Variants in GUCY2F observed in about 807,000 individuals in gnomAD.
GUCY2F encodes the protein guanylate cyclase 2F, retinal.
A neutral mutation model predicts 73.1 loss-of-function variants in GUCY2F; 61 were observed. The observed-to-expected ratio is 0.83, with a 90% CI of 0.68 to 1.03. GUCY2F has a LOEUF of 1.03. Ranked by LOEUF, GUCY2F falls within the 50% of genes least tolerant of loss-of-function variation. GUCY2F has a pLI of 0.00. For missense variants in GUCY2F, 912 were observed against 854.3 expected (o/e 1.07, Z -0.84); for synonymous variants, 331 against 307.8 (o/e 1.08, Z -0.79).
chrX:109,453,188 T>C (rs934696194), intron 4 of GUCY2F, among the ~76,000 whole-genome samples: 1 of 111,463 alleles, frequency 9.0e-6, no homozygotes, highest in Non-Finnish European at 1.9e-5. Context: ...TCATAGGTCA[T>C]AGCCTACAAA....
At position 109,404,261 on chromosome X, in the gene GUCY2F, G is replaced by T. The variant is rs1020210207; in HGVS notation, c.2125+67C>A. 23 of 772,939 alleles carry T rather than the reference G, an allele frequency of 3.0e-5. No homozygotes were observed. The African/African-American group carries it at 4.2e-4, about 14-fold the overall frequency. The allele number at this position is 772,939 out of a possible 1,213,427, so 63.7% of individuals were successfully genotyped here. A position where few individuals can be genotyped will look rare whatever the true frequency, so the allele number is the denominator to read the frequency against. ...GAAATCAGCCTGAGGCTTTAATTCA[G>T]TGCATATTTTCATTTGAACTTTGGA... On this transcript the variant is annotated intron_variant, in intron 10 of 19. Transcript: ENST00000218006.
intron 3 of GUCY2F, among the ~76,000 whole-genome samples, chrX:109,457,950 C>T (rs1343593547): frequency 2.7e-5 from 3 of 111,843 alleles, no homozygotes; most frequent in Non-Finnish European, 3.8e-5. Context: ...ATGTAGGCAT[C>T]AAACCCTAAT....
rs1217966985 is a variant in GUCY2F, at chrX:109,465,344, A to G, written c.830T>C (p.Val277Ala). The G allele has an allele frequency of 2.5e-6, 3 of 1,196,059 alleles. No individual in the cohort carries two copies. The highest frequency in any genetic ancestry group is 2.3e-6 in the Non-Finnish European group (2 of 882,533). Reference protein sequence around the residue: ...HDLKMTDGTYVFVPYDALLYS... With the variant: ...HDLKMTDGTYAFVPYDALLYS... ...GAGCAGGGCATCATAAGGAACAAAG[A>G]CGTAGGTTCCATCAGTCATTTTCAG... Residue 277 changes from valine to alanine, a missense_variant, in exon 3 of 20, where the codon GTC becomes GCC. By Grantham distance (64) the Val-to-Ala change is moderately conservative. Transcript: ENST00000218006.
At chrX:109,385,126 A>G in intron 16 of GUCY2F, 58 bp downstream of exon 16, 1 of 549,424 alleles carries the variant, frequency 1.8e-6, no homozygotes. Flanking sequence ...CTGAAGAAGA[A>G]TCACCTTCTC....
intron 6 of GUCY2F, among the ~76,000 whole-genome samples, chrX:109,443,406 ATTCATT>A (rs1931920418): frequency 9.0e-6 from 1 of 111,717 alleles, no homozygotes; most frequent in Non-Finnish European, 1.9e-5. Flanking sequence ...CCCTCTTACT[ATTCATT>A]TTTCTCACTC....
chrX:109,410,339 T>A lies in GUCY2F; in HGVS notation c.1792-1171A>T, dbSNP rs187300315. On this transcript the variant is annotated intron_variant, in intron 8 of 19. Coordinates refer to ENST00000218006, the MANE Select transcript of GUCY2F (RefSeq NM_001522.3). ...ATGGAGCTCAGTGGCTCAAGAGGAC[T>A]AAAGAGAGATGATACCGTAAAATGT... is the stretch of plus-strand genomic sequence containing the variant. Among the ~76,000 whole-genome samples the A allele has an allele frequency of 1.2e-3, 130 of 112,257 alleles. 2 individuals are homozygous for A. In the East Asian group the frequency reaches 0.022, roughly 19 times the overall value.
intron 9 of GUCY2F, among the ~76,000 whole-genome samples, chrX:109,406,869 C>T (rs1374768406): frequency 8.9e-6 from 1 of 112,258 alleles, no homozygotes; most frequent in Non-Finnish European, 1.9e-5. Context: ...GAATCTGAGG[C>T]CTCCACAGCC....
chrX:109,470,290 AGTGATCATTT>A lies in GUCY2F; in HGVS notation c.731-4857_731-4848del, dbSNP rs1022735672. On this transcript the variant is annotated intron_variant, in intron 2 of 19. Coordinates refer to ENST00000218006, the MANE Select transcript of GUCY2F (RefSeq NM_001522.3). Reference sequence around the variant, plus strand: ...TCAAGCCTTCAATAATTTGATCATTAGTGATCATTTGCCATTCATGAAAGCCAGTTGTCCT... The same window carrying A: ...TCAAGCCTTCAATAATTTGATCATTAGCCATTCATGAAAGCCAGTTGTCCT... Among the ~76,000 whole-genome samples the A allele has an allele frequency of 8.9e-5, 10 of 112,193 alleles. No individual in the cohort carries two copies. In the Admixed American group the frequency reaches 9.4e-4, roughly 11 times the overall value.
At chrX:109,440,978 T>C (rs1931853797) in intron 7 of GUCY2F, among the ~76,000 whole-genome samples, 1 of 112,144 alleles carries the variant, frequency 8.9e-6, no homozygotes. Flanking sequence ...CCCCAAACCC[T>C]GCCATGCACA....
intron 1 of GUCY2F, among the ~76,000 whole-genome samples, chrX:109,478,482 A>G (rs1431046436): frequency 1.8e-5 from 2 of 112,449 alleles, no homozygotes; most frequent in Admixed American, 9.3e-5. Context: ...ACAGCTCTAT[A>G]TGGGAAACAA....
chrX:109,472,772 T>A (rs1932602833), intron 2 of GUCY2F, among the ~76,000 whole-genome samples: 1 of 112,079 alleles, frequency 8.9e-6, no homozygotes, highest in Non-Finnish European at 1.9e-5. Context: ...ATAATCTATT[T>A]TTGTTCATTC....
Position 109,465,374 on chromosome X carries a change from T to C in GUCY2F, c.800A>G (p.His267Arg). The change falls in exon 3 of 20, where the codon CAT (histidine) becomes CGT (arginine). Residue 267 changes from histidine to arginine, a missense_variant. Coordinates refer to ENST00000218006, the MANE Select transcript of GUCY2F (RefSeq NM_001522.3). ...GGTTCCATCAGTCATTTTCAGATCA[T>C]GAGCACATTCCAAGAGATGCATCTG... ...ETQMHLLECA[H>R]DLKMTDGTYV... 8.3e-7 allele frequency: 1 copy of C among 1,201,416 alleles called. No individual in the cohort carries two copies. The highest frequency in any genetic ancestry group is 1.8e-5 in the South Asian group (1 of 56,713).
At chrX:109,455,997 A>G (rs1037952060) in intron 3 of GUCY2F, among the ~76,000 whole-genome samples, 8 of 112,197 alleles carry the variant, frequency 7.1e-5, no homozygotes, top group African/African-American at 2.6e-4. Context: ...CTTGCCCCAC[A>G]TAACAGAGTT....
At chrX:109,402,529 C>T (rs912597304) in intron 10 of GUCY2F, among the ~76,000 whole-genome samples, 1 of 110,759 alleles carries the variant, frequency 9.0e-6, no homozygotes, top group Non-Finnish European at 1.9e-5. Flanking sequence ...CGCGCCACCA[C>T]GCCCAGCTAA....
intron 17 of GUCY2F, 107 bp downstream of exon 17, chrX:109,382,011 T>A: frequency 2.2e-6 from 1 of 446,560 alleles, no homozygotes; most frequent in Non-Finnish European, 4.0e-6. Flanking sequence ...GCCCAAGTTA[T>A]AGCTCTGAGT....
intron 7 of GUCY2F, among the ~76,000 whole-genome samples, chrX:109,434,724 A>T (rs6642682): frequency 0.051 from 5,532 of 109,538 alleles, 407 homozygotes; most frequent in African/African-American, 0.17. Flanking sequence ...TGAATGGTAA[A>T]GCCTAGGTTT....
rs752864370 is a variant in GUCY2F at position 109,475,841 on chromosome X, G to C, written c.96C>G (p.Phe32Leu). The C allele has an allele frequency of 3.9e-5, 47 of 1,208,614 alleles. No homozygotes were observed. The highest frequency in any genetic ancestry group is 5.0e-5 in the Non-Finnish European group (45 of 894,772). Residue 32 changes from phenylalanine (F) to leucine (L), a missense_variant, in exon 2 of 20, where the codon TTC (phenylalanine) becomes TTG (leucine). Transcript: ENST00000218006. Reference sequence around the variant, plus strand: ...CAGACAGAAGGCACAAGCACCACAGGAACTTGGCAGATGCAAGGCCATGGT... The same window carrying C: ...CAGACAGAAGGCACAAGCACCACAGCAACTTGGCAGATGCAAGGCCATGGT... ...LGHHGLASAK[F>L]LWCLCLLSVM...
intron 1 of GUCY2F, among the ~76,000 whole-genome samples, chrX:109,480,033 C>T (rs960005201): frequency 8.1e-5 from 9 of 111,583 alleles, no homozygotes; most frequent in Non-Finnish European, 1.7e-4. Context: ...GTGCCTGACA[C>T]ATAGTAGGTG....
At chrX:109,414,565 T>C (rs1295459085) in intron 8 of GUCY2F, among the ~76,000 whole-genome samples, 1 of 112,102 alleles carries the variant, frequency 8.9e-6, no homozygotes, top group African/African-American at 3.2e-5. Context: ...GGACAAATGA[T>C]GAACAAAATG....
Sources: allele counts gnomAD v4.1 joint callset (sites outside exome capture counted in the v4.1 genomes callset), GRCh38; gene constraint gnomAD v4.1.1; transcripts MANE v1.5; gene names NCBI Gene and HGNC (gene_info 2026-07-23, HGNC 2026-07-21).